The following TNS2 variants were observed in gnomAD, a reference collection of about 807,000 sequenced individuals.
TNS2 encodes tensin 2, also known as tensin-2.
TNS2 carries 77 observed loss-of-function variants against 155.7 expected under a neutral mutation model. The ratio of observed to expected loss-of-function variants is 0.49; its 90% confidence interval spans 0.41 to 0.60. The LOEUF is 0.60. Ranked by LOEUF, TNS2 falls within the 20% of genes least tolerant of loss-of-function variation. The pLI is 0.00. For synonymous variants in TNS2, 726 were observed against 763.9 expected (o/e 0.95, Z 0.82); for missense variants, 1,703 against 1,868.8 (o/e 0.91, Z 1.64).
intron 14 of TNS2, 107 bp downstream of exon 14, chr12:53,058,209 T>C (rs999249883): frequency 6.2e-7 from 1 of 1,606,592 alleles, no homozygotes; most frequent in African/African-American, 1.3e-5. Flanking sequence ...AGTAGGGAGA[T>C]CACCTTGAGA....
chr12:53,062,533 G>A (rs528634137), intron 24 of TNS2, 80 bp downstream of exon 24: 43 of 1,606,530 alleles, frequency 2.7e-5, no homozygotes, highest in African/African-American at 1.2e-4. Context: ...TTGGCTCCCC[G>A]CCTTCCCTTG....
chr12:53,058,907 C>T, intron 17 of TNS2, 80 bp downstream of exon 17: 1 of 1,569,596 alleles, frequency 6.4e-7, no homozygotes, highest in African/African-American at 1.3e-5. Context: ...AAGCACACTC[C>T]CTCCTCCCCA....
upstream of TNS2, chr12:53,049,368 G>A: frequency 1.2e-6 from 1 of 829,430 alleles, no homozygotes; most frequent in Non-Finnish European, 1.9e-6. Flanking sequence ...AACAAAGCCA[G>A]GGAATGGGTG....
At chr12:53,058,940 C>A in intron 17 of TNS2, 107 bp from the exon 18 acceptor site, 1 of 1,553,836 alleles carries the variant, frequency 6.4e-7, no homozygotes, top group Admixed American at 1.7e-5. Context: ...TCCCGAGAGA[C>A]ACCCCCGGCC....
At position 53,054,530 on chromosome 12, in the gene TNS2, C is replaced by A. The variant is rs183509058; in HGVS notation, c.522+89C>A. 4.7e-3 allele frequency: 5,223 copies of A among 1,116,204 alleles called. 15 individuals carry two copies. The highest frequency in any genetic ancestry group is 5.4e-3 in the Non-Finnish European group (4,712 of 869,132). 69.1% of individuals were successfully genotyped at this position (1,116,204 alleles called of 1,614,324 possible). A position where few individuals can be genotyped will look rare whatever the true frequency, so the allele number is the denominator to read the frequency against. Reference sequence around the variant, plus strand: ...TAATCACTGACGTCACCAGCGGAGGCGAGGCCGCCAGGGGGCGGGACCAGA... The same window carrying A: ...TAATCACTGACGTCACCAGCGGAGGAGAGGCCGCCAGGGGGCGGGACCAGA... On this transcript the variant is annotated intron_variant, in intron 7 of 28. Coordinates refer to ENST00000314250, the MANE Select transcript of TNS2 (RefSeq NM_170754.4).
In TNS2 at chr12:53,050,270, C is replaced by T. The variant is rs762372655; in HGVS notation, c.75+10C>T. ...CCGGGCCGCAAGCAGGGTAGGAGTG[C>T]CCACCAGCTGGGCAAAAGAGGGGCA... On this transcript the variant is annotated intron_variant, in intron 1 of 28. Transcript: ENST00000314250. This position sits in a 1 kb window ranked among gnomAD's most constrained non-coding sequence, Gnocchi z 4.7. 2.1e-5 allele frequency: 34 copies of T among 1,598,070 alleles called. No individual in the cohort carries two copies. The South Asian group carries it at 3.8e-4, about 18-fold the overall frequency.
rs368533010 is a variant in TNS2, at chr12:53,052,510, C to T, written c.222+18C>T. On this transcript the variant is annotated intron_variant, in intron 3 of 28. Coordinates refer to ENST00000314250, the MANE Select transcript of TNS2 (RefSeq NM_170754.4). ...AAGCAAAGGTGGGTATCTGATTCTA[C>T]CTGATAGGGGGAGAGGGTCTGGAGT... 6.2e-7 allele frequency: 1 copy of T among 1,613,850 alleles called. No homozygotes were observed. Among genetic ancestry groups the T allele is most frequent in the Non-Finnish European group, 8.5e-7 (1 of 1,179,840 alleles).
Position 53,059,531 on chromosome 12 carries a change from C to G in TNS2, c.1890C>G (p.Pro630=), listed in dbSNP as rs766528513. Residue 630 remains proline, a synonymous_variant, in exon 18 of 29, where the codon CCC becomes CCG. Transcript: ENST00000314250. The surrounding 1 kb of genome is among the most constrained non-coding windows in gnomAD (Gnocchi z 4.7). ...CCTACGGGGGCTATGAGGGATCCCC[C>G]CAGGGCTACGCCGAGGCCTCGATGG... ...RLAYGGYEGS[P]QGYAEASMEK... 13 of 1,590,640 alleles carry G rather than the reference C, an allele frequency of 8.2e-6. No homozygotes were observed. The African/African-American group carries it at 1.5e-4, about 18-fold the overall frequency.
In TNS2 at chr12:53,054,101, T is replaced by A. The variant is rs564552519; in HGVS notation, c.350+87T>A. The stretch of plus-strand genomic sequence containing the variant: ...CCAGGGCACTGCCCCGCAACAGAGC[T>A]CCCCGGGACAGCCCCCCACCCCCAA... On this transcript the variant is annotated intron_variant, in intron 6 of 28. Coordinates refer to ENST00000314250, the MANE Select transcript of TNS2 (RefSeq NM_170754.4). 2.5e-6 allele frequency: 4 copies of A among 1,587,686 alleles called. No homozygotes were observed. The South Asian group carries it at 3.3e-5, about 13-fold the overall frequency.
Position 53,059,685 on chromosome 12 carries a change from C to A in TNS2, c.2044C>A (p.Pro682Thr). Residue 682 changes from proline (P) to threonine (T), a missense_variant, in exon 18 of 29, where the codon CCT becomes ACT. Transcript: ENST00000314250. The surrounding 1 kb of genome is among the most constrained non-coding windows in gnomAD (Gnocchi z 4.7). ...CCGGGAGGTGGTCATCCTGGAGGAC[C>A]CTGGGCTGCCTGCCCTATACCCATG... ...GYREVVILED[P>T]GLPALYPCPA... 6.2e-7 allele frequency: 1 copy of A among 1,613,208 alleles called. No individual in the cohort carries two copies. The highest frequency in any genetic ancestry group is 8.5e-7 in the Non-Finnish European group (1 of 1,179,920).
rs907242154 is a variant in TNS2 at position 53,059,548 on chromosome 12, C to T, written c.1907C>T (p.Ala636Val). Residue 636 changes from alanine to valine, a missense_variant, in exon 18 of 29, where the codon GCC becomes GTC. Ala to Val is a moderately conservative substitution (Grantham distance 64). Transcript: ENST00000314250. This position sits in a 1 kb window ranked among gnomAD's most constrained non-coding sequence, Gnocchi z 4.7. ...GGATCCCCCCAGGGCTACGCCGAGG[C>T]CTCGATGGAGAAGAGGCGCCTCTGC... ...YEGSPQGYAEASMEKRRLCRS... is the reference protein window; with the variant it reads ...YEGSPQGYAEVSMEKRRLCRS... The T allele has an allele frequency of 1.3e-6, 2 of 1,593,222 alleles. No homozygotes were observed. Among genetic ancestry groups the T allele is most frequent in the African/African-American group, 2.7e-5 (2 of 74,136 alleles).
Position 53,053,798 on chromosome 12 carries a change from C to CGCATAGA in TNS2, c.290_296dup (p.Leu100ArgfsTer54). The CGCATAGA allele has an allele frequency of 6.2e-7, 1 of 1,612,342 alleles. No individual in the cohort carries two copies. Among genetic ancestry groups the CGCATAGA allele is most frequent in the Non-Finnish European group, 8.5e-7 (1 of 1,179,376 alleles). ...GCGGCGAAACACGGCCCCAGTCAGG[C>CGCATAGA]GCATAGAGCACCTGGTAAGGTGATG... On this transcript the variant is annotated frameshift_variant, in exon 5 of 29. Coordinates refer to ENST00000314250, the MANE Select transcript of TNS2 (RefSeq NM_170754.4). LOFTEE classifies it high-confidence loss of function.
chr12:53,061,314 CT>C, intron 20 of TNS2, 50 bp downstream of exon 20: 1 of 1,610,434 alleles, frequency 6.2e-7, no homozygotes, highest in Non-Finnish European at 8.5e-7. Context: ...ACCCTTTCTC[CT>C]GGGATGTAGC....
At chr12:53,054,243 G>A in intron 6 of TNS2, 27 bp from the exon 7 acceptor site, 12 of 1,610,232 alleles carry the variant, frequency 7.5e-6, no homozygotes, top group Non-Finnish European at 1.0e-5. Flanking sequence ...CCGCCCCTGC[G>A]TTCATGCGTA....
chr12:53,059,625 G>C lies in TNS2; in HGVS notation c.1984G>C (p.Ala662Pro), dbSNP rs748989870. 8 of 1,613,110 alleles carry C rather than the reference G, an allele frequency of 5.0e-6. No individual in the cohort carries two copies. The South Asian group carries it at 8.8e-5, about 18-fold the overall frequency. The change falls in exon 18 of 29, where the codon GCC becomes CCC. Residue 662 changes from alanine to proline, a missense_variant. By Grantham distance (27) the Ala-to-Pro change is conservative (BLOSUM62 -1). Transcript: ENST00000314250. The surrounding 1 kb of genome is among the most constrained non-coding windows in gnomAD (Gnocchi z 4.7). ...YPYPPEMGKPATGDFGYRAPG... is the reference protein window; with the variant it reads ...YPYPPEMGKPPTGDFGYRAPG... ...CTACCCACCTGAGATGGGGAAACCA[G>C]CCACTGGGGACTTTGGCTACCGCGC...
chr12:53,048,600 C>T (rs1398959782), upstream of TNS2, among the ~76,000 whole-genome samples: 2 of 152,142 alleles, frequency 1.3e-5, no homozygotes, highest in Non-Finnish European at 1.5e-5. Context: ...TCACAGAGCC[C>T]GTGCTCCTCT....
At chr12:53,048,895 T>A (rs1247678024), upstream of TNS2, 2 of 337,688 alleles carry the variant, frequency 5.9e-6, no homozygotes, top group African/African-American at 4.3e-5. Flanking sequence ...CTGGGGGAGT[T>A]GCCTGAGTAC....
Position 53,063,151 on chromosome 12 carries a change from G to T in TNS2, c.3886G>T (p.Ala1296Ser). The T allele has an allele frequency of 6.2e-7, 1 of 1,607,908 alleles. No individual in the cohort carries two copies. Among genetic ancestry groups the T allele is most frequent in the Non-Finnish European group, 8.5e-7 (1 of 1,177,620 alleles). Residue 1296 changes from alanine (A) to serine (S), a missense_variant, in exon 26 of 29, where the codon GCC becomes TCC. By Grantham distance (99) the Ala-to-Ser change is moderately conservative. Transcript: ENST00000314250. The surrounding 1 kb of genome is among the most constrained non-coding windows in gnomAD (Gnocchi z 5.6). ...GTCACTGACGGGCCCCCAAGCTGTG[G>T]CCCGGGCCAGCTCTGCAGCTCTGAG... ...TESLTGPQAV[A>S]RASSAALSCS... is the part of the protein sequence containing the mutation.
rs759404151 is a variant in TNS2, at chr12:53,060,637, TG to T, written c.2769-33del. On this transcript the variant is annotated intron_variant, in intron 19 of 28. Coordinates refer to ENST00000314250, the MANE Select transcript of TNS2 (RefSeq NM_170754.4). The surrounding 1 kb of genome is among the most constrained non-coding windows in gnomAD (Gnocchi z 6.1). ...GCAGGTGGGGTGGGAGCAGCCACAA[TG>T]GGGGCTCTGCTGACCATCTGCCCTT... 1 of 1,587,542 alleles carries T rather than the reference TG, an allele frequency of 6.3e-7. No individual in the cohort carries two copies. The highest frequency in any genetic ancestry group is 8.6e-7 in the Non-Finnish European group (1 of 1,164,696).
Sources: gnomAD v4.1 joint callset for allele counts (sites outside exome capture counted in the v4.1 genomes callset) on GRCh38, gnomAD v4.1.1 for gene constraint, Gnocchi (gnomAD v3.1) non-coding constraint, MANE v1.5 for transcripts, NCBI Gene and HGNC (gene_info 2026-07-23, HGNC 2026-07-21) for gene names.